Variants in MEGF11 observed in about 807,000 individuals in gnomAD.
MEGF11 encodes the protein multiple epidermal growth factor-like domains protein 11.
MEGF11 carries 126 observed loss-of-function variants against 146.6 expected under a neutral mutation model. The ratio of observed to expected loss-of-function variants is 0.86; its 90% CI spans 0.74 to 1.00. The LOEUF is 1.00. Ranked by LOEUF, MEGF11 falls within the 50% of genes least tolerant of loss-of-function variation. The probability of loss-of-function intolerance (pLI) is 0.00; values close to 1 mark genes in which losing one functional copy is unlikely to be tolerated. For synonymous variants in MEGF11, 532 were observed against 583.4 expected (o/e 0.91, Z 1.27); for missense variants, 1,509 against 1,521.2 (o/e 0.99, Z 0.13).
intron 5 of MEGF11, among the ~76,000 whole-genome samples, chr15:66,022,278 T>A (rs1223585864): frequency 3.3e-5 from 5 of 152,232 alleles, no homozygotes; most frequent in Non-Finnish European, 7.3e-5. Flanking sequence ...GGTAATGCAA[T>A]ACATTTCCTG....
At chr15:66,161,008 C>T (rs963264931) in intron 1 of MEGF11, among the ~76,000 whole-genome samples, 2 of 152,032 alleles carry the variant, frequency 1.3e-5, no homozygotes, top group Non-Finnish European at 2.9e-5. Context: ...GGTGTGCCCA[C>T]GAGGACAGCA....
At chr15:66,137,505 G>A (rs1210223893) in intron 1 of MEGF11, among the ~76,000 whole-genome samples, 1 of 151,688 alleles carries the variant, frequency 6.6e-6, no homozygotes, top group Non-Finnish European at 1.5e-5. Context: ...CTCGGAGTAT[G>A]TTAAAAACAT....
chr15:66,231,265 G>A (rs2091962280), intron 1 of MEGF11, among the ~76,000 whole-genome samples: 1 of 151,778 alleles, frequency 6.6e-6, no homozygotes, highest in South Asian at 2.1e-4. Flanking sequence ...CCAGAAACCG[G>A]AACCCTGGCC....
intron 1 of MEGF11, among the ~76,000 whole-genome samples, chr15:66,146,760 T>A (rs937001098): frequency 4.6e-5 from 7 of 152,266 alleles, no homozygotes; most frequent in African/African-American, 1.7e-4. Context: ...ACACGCCGAG[T>A]AGCTGGAAGG....
Position 65,922,950 on chromosome 15 carries a change from C to T in MEGF11, c.1695G>A (p.Thr565=), listed in dbSNP as rs751025590. The change falls in exon 14 of 26, where the codon ACG becomes ACA. Residue 565 remains threonine, a synonymous_variant. Transcript: ENST00000395614. ...TGGGGCCCCAGCGGCCAGGTGGACA[C>T]GTGCTGTCACAGCGGATGCCTGTGG... is the stretch of plus-strand genomic sequence containing the variant. ...AGWTGIRCDS[T]CPPGRWGPNC... 2.9e-5 allele frequency: 46 copies of T among 1,612,802 alleles called. No homozygotes were observed. The highest frequency in any genetic ancestry group is 4.0e-5 in the African/African-American group (3 of 74,890).
intron 5 of MEGF11, among the ~76,000 whole-genome samples, chr15:66,083,435 C>T (rs1160568913): frequency 6.6e-6 from 1 of 151,928 alleles, no homozygotes; most frequent in Admixed American, 6.6e-5. Context: ...ACTGGATATG[C>T]ACATGCAAAA....
intron 1 of MEGF11, among the ~76,000 whole-genome samples, chr15:66,172,155 G>A (rs1422423557): frequency 6.6e-6 from 1 of 152,212 alleles, no homozygotes; most frequent in African/African-American, 2.4e-5. Context: ...GGACTAGGCT[G>A]GAGTCGGAAG....
intron 5 of MEGF11, among the ~76,000 whole-genome samples, chr15:66,025,614 T>A (rs943804345): frequency 6.6e-6 from 1 of 151,532 alleles, no homozygotes; most frequent in African/African-American, 2.4e-5. Context: ...ATGGGAATGA[T>A]GATGAAACCT....
At chr15:66,056,719 G>A (rs2084688079) in intron 5 of MEGF11, among the ~76,000 whole-genome samples, 1 of 152,220 alleles carries the variant, frequency 6.6e-6, no homozygotes, top group Non-Finnish European at 1.5e-5. Flanking sequence ...AACTGGTCTA[G>A]CCCTTAGGAG....
chr15:66,112,295 G>A (rs12441326), intron 4 of MEGF11, among the ~76,000 whole-genome samples: 24,508 of 151,998 alleles, frequency 0.16, 2,299 homozygotes, highest in East Asian at 0.32. Flanking sequence ...AATAGGACAC[G>A]ACAGAAAAAG....
intron 5 of MEGF11, among the ~76,000 whole-genome samples, chr15:66,069,432 T>C (rs2085275354): frequency 6.6e-6 from 1 of 152,222 alleles, no homozygotes; most frequent in Non-Finnish European, 1.5e-5. Flanking sequence ...ACCGTCTAAG[T>C]GCTTTACATG....
At chr15:66,123,786 A>G in intron 3 of MEGF11, 113 bp downstream of exon 3, 1 of 801,944 alleles carries the variant, frequency 1.2e-6, no homozygotes, top group Non-Finnish European at 2.1e-6. Flanking sequence ...GGGTGTTCAG[A>G]GTGGAGGCGC....
At chr15:66,236,741 C>T (rs537285858) in intron 1 of MEGF11, among the ~76,000 whole-genome samples, 2 of 152,266 alleles carry the variant, frequency 1.3e-5, no homozygotes, top group East Asian at 1.9e-4. Flanking sequence ...CAGGCAGCTT[C>T]CTGTCCCCAC....
At chr15:66,245,081 T>C (rs1170185021) in intron 1 of MEGF11, among the ~76,000 whole-genome samples, 5 of 152,088 alleles carry the variant, frequency 3.3e-5, no homozygotes, top group Non-Finnish European at 7.4e-5. Context: ...TGGGCTCCAG[T>C]AGTGAGGGGA....
At chr15:66,172,173 G>A (rs541732714) in intron 1 of MEGF11, among the ~76,000 whole-genome samples, 4 of 152,310 alleles carry the variant, frequency 2.6e-5, no homozygotes, top group African/African-American at 7.2e-5. Context: ...AAGTTTGCTC[G>A]GCAGGAGAAT....
chr15:66,144,094 G>A (rs577420363), intron 1 of MEGF11, among the ~76,000 whole-genome samples: 5 of 152,174 alleles, frequency 3.3e-5, no homozygotes, highest in Admixed American at 6.5e-5. Context: ...GGAACATCTC[G>A]TTCCTGCTCC....
intron 24 of MEGF11, chr15:65,905,686 G>T: frequency 6.2e-6 from 1 of 161,064 alleles, no homozygotes; most frequent in Non-Finnish European, 1.4e-5. Context: ...CAGAAAGCCA[G>T]CAGGTGCAGG....
intron 4 of MEGF11, 115 bp downstream of exon 4, chr15:66,118,971 G>A (rs2087870364): frequency 1.5e-6 from 1 of 681,610 alleles, no homozygotes. Flanking sequence ...GAGCCATCTG[G>A]CTGAGGACTG....
intron 5 of MEGF11, among the ~76,000 whole-genome samples, chr15:66,036,577 GTGT>G (rs2083733903): frequency 6.6e-6 from 1 of 152,162 alleles, no homozygotes; most frequent in Non-Finnish European, 1.5e-5. Flanking sequence ...GACAGCCTCA[GTGT>G]TTCCTATTGG....
Sources: allele counts gnomAD v4.1 joint callset (sites outside exome capture counted in the v4.1 genomes callset), GRCh38; gene constraint gnomAD v4.1.1; transcripts MANE v1.5; gene names NCBI Gene and HGNC (gene_info 2026-07-23, HGNC 2026-07-21).